Variants in KLHL1 observed in about 807,000 individuals in gnomAD.
The protein encoded by KLHL1 is kelch like family member 1, also known as kelch-like protein 1.
In KLHL1, 47 loss-of-function variants were observed where a neutral mutation model predicts 77.7. That is an observed-to-expected ratio of 0.60 (90% CI 0.48 to 0.77). The LOEUF is 0.77. KLHL1 is among the 30% of genes least tolerant of loss of function. The probability of loss-of-function intolerance (pLI) is 0.00; values close to 1 mark genes in which losing one functional copy is unlikely to be tolerated. For missense variants in KLHL1, 925 were observed against 910.8 expected (o/e 1.02, Z -0.20); for synonymous variants, 360 against 325.2 (o/e 1.11, Z -1.15).
chr13:69,766,731 T>A lies in KLHL1; in HGVS notation c.1640-26175A>T, dbSNP rs76647125. ...TTAGGCTACTGACTGGAAAATGGAT[T>A]AGATTCTCTTAATGATATTTTTGGG... On this transcript the variant is annotated intron_variant, in intron 7 of 10. Transcript: ENST00000377844. Among the ~76,000 whole-genome samples the A allele has an allele frequency of 4.1e-3, 625 of 152,186 alleles. 6 individuals are homozygous for A. The highest frequency in any genetic ancestry group is 0.024 in the Admixed American group (372 of 15,266).
At chr13:69,801,206 A>C (rs7986686) in intron 6 of KLHL1, among the ~76,000 whole-genome samples, 75,608 of 151,956 alleles carry the variant, frequency 0.5, 20,053 homozygotes, top group African/African-American at 0.68. Context: ...CTGAAGAATG[A>C]CCACTCTACT....
At chr13:70,026,406 A>G (rs1885941909) in intron 1 of KLHL1, among the ~76,000 whole-genome samples, 1 of 152,120 alleles carries the variant, frequency 6.6e-6, no homozygotes, top group Non-Finnish European at 1.5e-5. Flanking sequence ...TTTAGTTTTA[A>G]GAACTCAGAA....
intron 3 of KLHL1, among the ~76,000 whole-genome samples, chr13:69,948,822 A>T (rs933915400): frequency 3.9e-5 from 6 of 151,942 alleles, no homozygotes; most frequent in Admixed American, 2.6e-4. Flanking sequence ...GTATATTTCC[A>T]AAGGTATTGT....
chr13:69,987,864 A>G (rs1884915416), intron 1 of KLHL1, among the ~76,000 whole-genome samples: 1 of 152,126 alleles, frequency 6.6e-6, no homozygotes, highest in Admixed American at 6.6e-5. Context: ...AACTAAAATA[A>G]CAATTACTAT....
intron 6 of KLHL1, among the ~76,000 whole-genome samples, chr13:69,826,588 A>G (rs1878557858): frequency 6.6e-6 from 1 of 152,116 alleles, no homozygotes; most frequent in Non-Finnish European, 1.5e-5. Context: ...CAAAGAAAGA[A>G]AGAAAGAAAG....
At chr13:69,875,187 T>C (rs1245332002) in intron 5 of KLHL1, among the ~76,000 whole-genome samples, 1 of 151,898 alleles carries the variant, frequency 6.6e-6, no homozygotes, top group Non-Finnish European at 1.5e-5. Flanking sequence ...TTAGGGCAAA[T>C]GATTGATTGA....
rs546342822 is a variant in KLHL1, at chr13:70,077,160, A to G, written c.497+30043T>C. ...ACGAGTTGAAAACATGGATTCATGC[A>G]CATTTTTGCACAAGTTTATTCATAA... On this transcript the variant is annotated intron_variant, in intron 1 of 10. Transcript: ENST00000377844. Among the ~76,000 whole-genome samples the G allele has an allele frequency of 1.3e-4, 20 of 152,122 alleles. No homozygotes were observed. In the East Asian group the frequency reaches 3.9e-3, roughly 29 times the overall value.
chr13:69,769,852 A>T (rs889948684), intron 7 of KLHL1, among the ~76,000 whole-genome samples: 5 of 151,976 alleles, frequency 3.3e-5, no homozygotes, highest in Admixed American at 1.3e-4. Flanking sequence ...TGGGACAAGA[A>T]CCCAGAACCT....
intron 8 of KLHL1, among the ~76,000 whole-genome samples, chr13:69,726,015 A>G (rs1417238078): frequency 1.3e-5 from 2 of 152,086 alleles, no homozygotes; most frequent in Non-Finnish European, 2.9e-5. Context: ...GTCTTTTCTG[A>G]TCCCATTTTG....
chr13:69,782,703 C>G (rs1193099062), intron 7 of KLHL1, among the ~76,000 whole-genome samples: 1 of 152,206 alleles, frequency 6.6e-6, no homozygotes, highest in Non-Finnish European at 1.5e-5. Context: ...TCAAGGAGGC[C>G]TGCCTGCCTC....
chr13:69,961,326 C>G lies in KLHL1; in HGVS notation c.799G>C (p.Val267Leu), dbSNP rs1272655064. 6.2e-7 allele frequency: 1 copy of G among 1,611,824 alleles called. No homozygotes were observed. Among genetic ancestry groups the G allele is most frequent in the South Asian group, 1.1e-5 (1 of 90,900 alleles). Residue 267 changes from valine (V) to leucine (L), a missense_variant, in exon 3 of 11, where the codon GTC becomes CTC. Physicochemically the swap from Val to Leu is conservative, Grantham distance 32 (BLOSUM62 1). Coordinates refer to ENST00000377844, the MANE Select transcript of KLHL1 (RefSeq NM_020866.3). ...GCCATACCTGTATATGCAAATTGGA[C>G]AAGGTCCCAGAGAGCATTGGGGTCT... ...GIDPNALWDL[V>L]QFAYTGCLEL...
intron 7 of KLHL1, among the ~76,000 whole-genome samples, chr13:69,783,388 G>A (rs1193882294): frequency 6.6e-6 from 1 of 152,068 alleles, no homozygotes; most frequent in Non-Finnish European, 1.5e-5. Flanking sequence ...AGCTACAGGA[G>A]GAAATTCAAA....
At chr13:70,103,045 G>A (rs1192145018) in intron 1 of KLHL1, among the ~76,000 whole-genome samples, 1 of 152,068 alleles carries the variant, frequency 6.6e-6, no homozygotes, top group Non-Finnish European at 1.5e-5. Flanking sequence ...GTAGAGAACA[G>A]TTATTCTAAG....
intron 6 of KLHL1, among the ~76,000 whole-genome samples, chr13:69,826,373 T>A (rs967089105): frequency 1.3e-5 from 2 of 152,190 alleles, no homozygotes; most frequent in African/African-American, 2.4e-5. Flanking sequence ...TCACTTGATG[T>A]CAGGAGTTGA....
At chr13:69,989,446 G>A (rs1181057028) in intron 1 of KLHL1, among the ~76,000 whole-genome samples, 1 of 151,856 alleles carries the variant, frequency 6.6e-6, no homozygotes, top group Non-Finnish European at 1.5e-5. Context: ...GAGTATTCAG[G>A]CTCCTTGGTT....
At chr13:69,984,705 G>A (rs1273864173) in intron 1 of KLHL1, among the ~76,000 whole-genome samples, 1 of 152,022 alleles carries the variant, frequency 6.6e-6, no homozygotes, top group East Asian at 1.9e-4. Context: ...TTAAACCTCC[G>A]CTCTTAACTT....
At chr13:70,070,895 C>G (rs1887122174) in intron 1 of KLHL1, among the ~76,000 whole-genome samples, 1 of 151,404 alleles carries the variant, frequency 6.6e-6, no homozygotes, top group African/African-American at 2.4e-5. Context: ...CCTAGGGAAA[C>G]CATTTTTTTT....
chr13:69,801,686 TCTGA>T (rs562949225), intron 6 of KLHL1, among the ~76,000 whole-genome samples: 90 of 152,242 alleles, frequency 5.9e-4, no homozygotes, highest in East Asian at 2.7e-3. Context: ...TAGAAATTTT[TCTGA>T]CTATTTGATA....
intron 7 of KLHL1, among the ~76,000 whole-genome samples, chr13:69,780,731 T>TATATATATATATACACATATATATATAC (rs1555267679): frequency 1.3e-5 from 1 of 75,332 alleles, no homozygotes; most frequent in African/African-American, 5.2e-5. Context: ...TATATATATA[T>TATATATATATATACACATATATATATAC]ACATATATAT....
Sources: gnomAD v4.1 joint callset for allele counts (sites outside exome capture counted in the v4.1 genomes callset) on GRCh38, gnomAD v4.1.1 for gene constraint, MANE v1.5 for transcripts, NCBI Gene and HGNC (gene_info 2026-07-23, HGNC 2026-07-21) for gene names.